Variants in MCF2L2 observed in about 807,000 individuals in gnomAD.
MCF2L2 encodes MCF.2 cell line derived transforming sequence-like 2.
In MCF2L2, 102 loss-of-function variants were observed where a neutral mutation model predicts 150.2. The ratio of observed to expected loss-of-function variants is 0.68; its 90% CI spans 0.58 to 0.80. MCF2L2 has a LOEUF of 0.80. Ranked by LOEUF, MCF2L2 falls within the 30% of genes least tolerant of loss-of-function variation. MCF2L2 has a pLI of 0.00. For missense variants in MCF2L2, 1,256 were observed against 1,372.8 expected, an observed-to-expected ratio of 0.91 and a Z score of 1.34; for synonymous variants, 465 against 491.3, an observed-to-expected ratio of 0.95 and a Z score of 0.71.
intron 27 of MCF2L2, among the ~76,000 whole-genome samples, chr3:183,187,263 G>A (rs1223242591): frequency 4.6e-5 from 7 of 152,172 alleles, no homozygotes; most frequent in Non-Finnish European, 7.4e-5. Context: ...AGACCCTGAG[G>A]TACCCGACGA....
intron 27 of MCF2L2, among the ~76,000 whole-genome samples, chr3:183,186,837 C>T (rs996388984): frequency 2.6e-5 from 4 of 152,062 alleles, no homozygotes; most frequent in African/African-American, 9.7e-5. Flanking sequence ...GGATTACAGG[C>T]ATGAGCCACC....
intron 3 of MCF2L2, among the ~76,000 whole-genome samples, chr3:183,366,253 T>C (rs1029742220): frequency 1.3e-5 from 2 of 152,228 alleles, no homozygotes; most frequent in African/African-American, 4.8e-5. Flanking sequence ...GATGGATCAA[T>C]GTTTTTTACA....
At chr3:183,319,906 G>T (rs1166000491) in intron 6 of MCF2L2, among the ~76,000 whole-genome samples, 1 of 152,104 alleles carries the variant, frequency 6.6e-6, no homozygotes, top group African/African-American at 2.4e-5. Flanking sequence ...TGGTAAATGA[G>T]CATTGGCTTC....
At chr3:183,396,767 T>C (rs938699239) in intron 1 of MCF2L2, among the ~76,000 whole-genome samples, 3 of 152,170 alleles carry the variant, frequency 2.0e-5, no homozygotes. Flanking sequence ...TCAGTATACA[T>C]GCAATAATAT....
intron 25 of MCF2L2, among the ~76,000 whole-genome samples, chr3:183,201,211 T>C (rs1722268681): frequency 6.6e-6 from 1 of 152,208 alleles, no homozygotes; most frequent in Non-Finnish European, 1.5e-5. Context: ...ATAAATTACC[T>C]TGGGCAGTAT....
At chr3:183,351,190 G>GTGTGTATA (rs1491563903) in intron 3 of MCF2L2, among the ~76,000 whole-genome samples, 1 of 38,840 alleles carries the variant, frequency 2.6e-5, no homozygotes, top group African/African-American at 8.7e-5. Context: ...ATTTTCTTAA[G>GTGTGTATA]TATATATATA....
intron 10 of MCF2L2, among the ~76,000 whole-genome samples, chr3:183,301,014 CAA>C (rs11388183): frequency 6.1e-5 from 4 of 65,640 alleles, no homozygotes; most frequent in Non-Finnish European, 6.7e-5. Context: ...GACTCCATCT[CAA>C]AAAAAAAAAA....
chr3:183,397,371 T>TC (rs1714524718), intron 1 of MCF2L2, among the ~76,000 whole-genome samples: 1 of 152,202 alleles, frequency 6.6e-6, no homozygotes, highest in South Asian at 2.1e-4. Flanking sequence ...GGGTGTACAC[T>TC]GAGTCCTCAC....
At chr3:183,290,094 C>T (rs1294142991) in intron 13 of MCF2L2, among the ~76,000 whole-genome samples, 3 of 152,164 alleles carry the variant, frequency 2.0e-5, no homozygotes, top group Admixed American at 1.3e-4. Context: ...ATCTGAAAAA[C>T]ACTAAACTCT....
chr3:183,374,668 CAA>C (rs548939288), intron 3 of MCF2L2: 27 of 79,772 alleles, frequency 3.4e-4, no homozygotes, highest in Middle Eastern at 8.2e-3. Flanking sequence ...AACTCCGTCT[CAA>C]AAAAAAAAAA....
At chr3:183,272,156 A>G (rs555898379) in intron 15 of MCF2L2, 1 of 1,000,330 alleles carries the variant, frequency 1.0e-6, no homozygotes, top group South Asian at 4.7e-5. Flanking sequence ...TTAAAGCTGC[A>G]TGTTCCTTGT....
At chr3:183,273,061 G>C in intron 15 of MCF2L2, 1 of 1,482,986 alleles carries the variant, frequency 6.7e-7, no homozygotes, top group Non-Finnish European at 9.0e-7. Context: ...ACTGAGAAGA[G>C]TATCTGTAAA....
At chr3:183,389,584 C>G in intron 2 of MCF2L2, 112 bp downstream of exon 2, 2 of 898,350 alleles carry the variant, frequency 2.2e-6, no homozygotes, top group East Asian at 2.5e-5. Context: ...CGGGTGAAGC[C>G]TAAGGGGTGA....
chr3:183,272,142 A>ATT, intron 15 of MCF2L2: 3 of 1,000,306 alleles, frequency 3.0e-6, no homozygotes, highest in Non-Finnish European at 3.6e-6. Flanking sequence ...GGGTTAAAGC[A>ATT]TTTTTAAAGC....
chr3:183,358,167 T>C (rs1334338662), intron 3 of MCF2L2, among the ~76,000 whole-genome samples: 1 of 152,122 alleles, frequency 6.6e-6, no homozygotes, highest in Non-Finnish European at 1.5e-5. Context: ...GGCGGGCACC[T>C]GTAATCCCAG....
Position 183,389,739 on chromosome 3 carries a change from C to T in MCF2L2, c.117G>A (p.Val39=). The T allele has an allele frequency of 6.2e-7, 1 of 1,614,190 alleles. No individual in the cohort carries two copies. Residue 39 remains valine, a synonymous_variant, in exon 2 of 30, where the codon GTG becomes GTA. Transcript: ENST00000328913. ...GTCTGTGAAGTTGTTCTATTATCTC[C>T]ACCGCCATCAGGGGTCTGACTTCCT... is the stretch of plus-strand genomic sequence containing the variant. ...MQQEVRPLMA[V]EIIEQLHRQF... is the part of the protein sequence containing the mutation.
intron 15 of MCF2L2, chr3:183,254,483 G>A (rs1239073888): frequency 6.6e-6 from 1 of 152,094 alleles, no homozygotes; most frequent in African/African-American, 2.4e-5. Context: ...ACCCAGGCCG[G>A]GCCGCCGCCC....
chr3:183,267,531 C>T lies in MCF2L2; in HGVS notation c.1862+9341G>A, dbSNP rs567657272. On this transcript the variant is annotated intron_variant, in intron 15 of 29. Coordinates refer to ENST00000328913, the MANE Select transcript of MCF2L2 (RefSeq NM_015078.4). This position sits in a 1 kb window ranked among gnomAD's most constrained non-coding sequence, Gnocchi z 5.5. ...TGGTTTTCTATCAGGGGTCAACCGG[C>T]GGGGGGACTTGAGAACAGATCTCTG... Among the ~76,000 whole-genome samples, 6 of 152,296 alleles carry T rather than the reference C, an allele frequency of 3.9e-5. No individual in the cohort carries two copies. Among genetic ancestry groups the T allele is most frequent in the Non-Finnish European group, 5.9e-5 (4 of 68,028 alleles).
intron 14 of MCF2L2, 64 bp from the exon 15 acceptor site, chr3:183,277,021 C>G (rs576779456): frequency 1.2e-5 from 13 of 1,096,020 alleles, no homozygotes; most frequent in Non-Finnish European, 1.6e-5. Flanking sequence ...ATATTTTTCT[C>G]TCTCCCAATT....
Sources: gnomAD v4.1 joint callset for allele counts (sites outside exome capture counted in the v4.1 genomes callset) on GRCh38, gnomAD v4.1.1 for gene constraint, Gnocchi (gnomAD v3.1) non-coding constraint, MANE v1.5 for transcripts, NCBI Gene and HGNC (gene_info 2026-07-23, HGNC 2026-07-21) for gene names.